The following LRRC37A2 variants were observed in gnomAD, a reference collection of about 807,000 sequenced individuals.
LRRC37A2 encodes the protein leucine-rich repeat-containing protein 37A2.
A neutral mutation model predicts 68.8 loss-of-function variants in LRRC37A2; 9 were observed. The observed-to-expected ratio is 0.13, with a 90% CI of 0.08 to 0.23. The LOEUF (loss-of-function observed/expected upper bound fraction) is 0.23, where lower values mean the gene tolerates loss of function less well. Ranked by LOEUF, LRRC37A2 falls within the 10% of genes least tolerant of loss-of-function variation. The pLI is 1.00. For synonymous variants in LRRC37A2, 63 were observed against 367.6 expected (o/e 0.17, Z 9.48); for missense variants, 168 against 950.4 (o/e 0.18, Z 10.82).
At chr17:46,872,908 T>TG in the LRRC37A2 span, 1 of 1,117,570 alleles carries the variant, frequency 8.9e-7, no homozygotes, top group African/African-American at 1.6e-5. Flanking sequence ...CCTAGCACGG[T>TG]CCCAAATGAG....
the LRRC37A2 span, among the ~76,000 whole-genome samples, chr17:46,810,109 C>T: frequency 2.0e-5 from 3 of 150,278 alleles, no homozygotes; most frequent in Non-Finnish European, 2.9e-5. Context: ...CAGGTTCAAG[C>T]GATTCTCCTG....
At chr17:46,486,984 T>C in the LRRC37A2 span, 1 of 639,680 alleles carries the variant, frequency 1.6e-6, no homozygotes, top group Non-Finnish European at 2.3e-6. Flanking sequence ...TTAAATTGAA[T>C]ATATTCTTAA....
the LRRC37A2 span, among the ~76,000 whole-genome samples, chr17:46,716,793 T>A: frequency 6.6e-6 from 1 of 152,202 alleles, no homozygotes; most frequent in African/African-American, 2.4e-5. Context: ...CTCAGACACA[T>A]GTGTACACAT....
At chr17:46,851,802 C>T in the LRRC37A2 span, 1 of 675,806 alleles carries the variant, frequency 1.5e-6, no homozygotes, top group Non-Finnish European at 2.1e-6. The surrounding 1 kb of genome is among the most constrained non-coding windows in gnomAD (Gnocchi z 4.3). Context: ...TTCCCTCCCG[C>T]TGTCCTTGGC....
chr17:46,903,975 G>A, the LRRC37A2 span, among the ~76,000 whole-genome samples: 1 of 151,812 alleles, frequency 6.6e-6, no homozygotes, highest in African/African-American at 2.4e-5. Flanking sequence ...GTGTGTGGGT[G>A]GATGGTGGCT....
the LRRC37A2 span, among the ~76,000 whole-genome samples, chr17:46,779,103 A>ACACACACACACC: frequency 1.6e-3 from 215 of 133,612 alleles, 9 homozygotes; most frequent in East Asian, 0.029. Context: ...ACACACACAC[A>ACACACACACACC]CCCCAGCCCA....
chr17:46,499,291 G>A, the LRRC37A2 span, among the ~76,000 whole-genome samples: 7 of 100,290 alleles, frequency 7.0e-5, no homozygotes, highest in African/African-American at 2.4e-4. Context: ...CAGCCTGGTC[G>A]ACAGAGCAAG....
chr17:46,568,545 T>C, the LRRC37A2 span, among the ~76,000 whole-genome samples: 1 of 95,566 alleles, frequency 1.0e-5, no homozygotes, highest in Non-Finnish European at 2.0e-5. Context: ...TGGCTCACAC[T>C]ATGGTCTCAG....
the LRRC37A2 span, among the ~76,000 whole-genome samples, chr17:46,716,755 C>G: frequency 6.6e-6 from 1 of 152,048 alleles, no homozygotes; most frequent in Non-Finnish European, 1.5e-5. Context: ...ACAATAAATT[C>G]ATATTTGTCC....
the LRRC37A2 span, among the ~76,000 whole-genome samples, chr17:46,825,857 C>T: frequency 6.6e-6 from 1 of 152,250 alleles, no homozygotes; most frequent in Non-Finnish European, 1.5e-5. Context: ...AACCCTGTCT[C>T]TACTAAAAAT....
the LRRC37A2 span, chr17:46,722,136 G>A: frequency 2.4e-5 from 39 of 1,611,868 alleles, no homozygotes; most frequent in Admixed American, 6.3e-4. Flanking sequence ...CTCGCCATTG[G>A]GCTTCACGAT....
chr17:46,926,103 G>A, the LRRC37A2 span, among the ~76,000 whole-genome samples: 5 of 152,128 alleles, frequency 3.3e-5, no homozygotes, highest in Non-Finnish European at 5.9e-5. Context: ...CTTAAGAACT[G>A]TTACCTTATC....
the LRRC37A2 span, among the ~76,000 whole-genome samples, chr17:46,822,227 C>G: frequency 6.6e-6 from 1 of 152,006 alleles, no homozygotes; most frequent in Non-Finnish European, 1.5e-5. Context: ...AACCGCAGAG[C>G]GGTTTTAGGC....
the LRRC37A2 span, among the ~76,000 whole-genome samples, chr17:46,783,114 A>G: frequency 3.3e-5 from 5 of 152,314 alleles, no homozygotes; most frequent in African/African-American, 9.6e-5. Flanking sequence ...GCTCGCCTGC[A>G]TCTCCAGCAG....
the LRRC37A2 span, among the ~76,000 whole-genome samples, chr17:46,822,059 G>A: frequency 6.6e-6 from 1 of 152,246 alleles, no homozygotes; most frequent in African/African-American, 2.4e-5. Flanking sequence ...AGGGAGAGGC[G>A]AAGCCGTTGC....
At chr17:46,777,327 G>A in the LRRC37A2 span, among the ~76,000 whole-genome samples, 9 of 152,366 alleles carry the variant, frequency 5.9e-5, no homozygotes, top group East Asian at 1.9e-4. Context: ...CTGAGGAGTC[G>A]GGGGGCCCAT....
chr17:46,722,962 C>T, the LRRC37A2 span, among the ~76,000 whole-genome samples: 9 of 152,176 alleles, frequency 5.9e-5, no homozygotes, highest in African/African-American at 2.2e-4. Flanking sequence ...AAAACAAGAA[C>T]GTCACTACTT....
At chr17:46,772,752 G>A in the LRRC37A2 span, among the ~76,000 whole-genome samples, 1 of 152,134 alleles carries the variant, frequency 6.6e-6, no homozygotes, top group Non-Finnish European at 1.5e-5. Context: ...TAAAATGGGG[G>A]TTGTCAGCTT....
At chr17:46,997,622 A>G in the LRRC37A2 span, among the ~76,000 whole-genome samples, 1 of 152,220 alleles carries the variant, frequency 6.6e-6, no homozygotes. Context: ...ATTTGCAATA[A>G]TCAAAATCCA....
Sources: allele counts gnomAD v4.1 joint callset (sites outside exome capture counted in the v4.1 genomes callset), GRCh38; gene constraint gnomAD v4.1.1; non-coding constraint Gnocchi (gnomAD v3.1); transcripts MANE v1.5; gene names NCBI Gene and HGNC (gene_info 2026-07-23, HGNC 2026-07-21).